Variants in ITGBL1 observed in about 807,000 individuals in gnomAD.
ITGBL1 encodes the protein integrin beta-like protein 1.
In ITGBL1, 51 loss-of-function variants were observed where a neutral mutation model predicts 68.5. That is an observed-to-expected ratio of 0.74 (90% CI 0.59 to 0.94). The LOEUF (loss-of-function observed/expected upper bound fraction) is 0.94, where lower values mean the gene tolerates loss of function less well. Among genes scored for constraint, ITGBL1 ranks in the 40% least tolerant of loss-of-function variants. The probability of loss-of-function intolerance (pLI) is 0.00; values close to 1 mark genes in which losing one functional copy is unlikely to be tolerated. For missense variants in ITGBL1, 649 were observed against 647.4 expected, an observed-to-expected ratio of 1.00 and a Z score of -0.03; for synonymous variants, 209 against 227.3, an observed-to-expected ratio of 0.92 and a Z score of 0.72.
intron 7 of ITGBL1, among the ~76,000 whole-genome samples, chr13:101,614,132 T>C (rs1299908039): frequency 1.3e-5 from 2 of 152,112 alleles, no homozygotes; most frequent in Non-Finnish European, 2.9e-5. Flanking sequence ...CTTAGGCACG[T>C]TTGAATACCG....
At chr13:101,537,074 C>T (rs1050912435) in intron 2 of ITGBL1, among the ~76,000 whole-genome samples, 1 of 151,808 alleles carries the variant, frequency 6.6e-6, no homozygotes, top group Admixed American at 6.6e-5. Context: ...TTGGATAAAA[C>T]GTATGTAAGC....
intron 2 of ITGBL1, among the ~76,000 whole-genome samples, chr13:101,513,050 G>A (rs2049140658): frequency 6.6e-6 from 1 of 151,960 alleles, no homozygotes; most frequent in Admixed American, 6.6e-5. Context: ...AGAACTATGG[G>A]TCCACCTATT....
At chr13:101,561,893 C>T (rs1290810525) in intron 2 of ITGBL1, among the ~76,000 whole-genome samples, 7 of 151,914 alleles carry the variant, frequency 4.6e-5, no homozygotes, top group Admixed American at 4.6e-4. Context: ...AAATGAAGAG[C>T]AATGAAAATG....
intron 7 of ITGBL1, among the ~76,000 whole-genome samples, chr13:101,652,587 A>C (rs985220811): frequency 1.3e-5 from 2 of 152,214 alleles, no homozygotes; most frequent in African/African-American, 4.8e-5. Flanking sequence ...TAGAACCCAT[A>C]GGTGGAGAAT....
At chr13:101,673,394 A>C (rs1302974845) in intron 7 of ITGBL1, among the ~76,000 whole-genome samples, 3 of 152,176 alleles carry the variant, frequency 2.0e-5, no homozygotes, top group Non-Finnish European at 4.4e-5. Flanking sequence ...GTTTTAATTC[A>C]ACCCAGCTAT....
intron 7 of ITGBL1, among the ~76,000 whole-genome samples, chr13:101,606,005 C>CAG (rs2030821314): frequency 1.4e-5 from 2 of 144,070 alleles, no homozygotes; most frequent in African/African-American, 5.1e-5. Context: ...TATATATACA[C>CAG]ATATATATGT....
At chr13:101,589,441 C>A (rs1327588788) in intron 6 of ITGBL1, among the ~76,000 whole-genome samples, 1 of 152,168 alleles carries the variant, frequency 6.6e-6, no homozygotes, top group African/African-American at 2.4e-5. Context: ...GAACTTCATT[C>A]TTTATGGATG....
chr13:101,631,697 G>A (rs901947945), intron 7 of ITGBL1, among the ~76,000 whole-genome samples: 17 of 152,000 alleles, frequency 1.1e-4, no homozygotes, highest in African/African-American at 4.1e-4. Context: ...CTCATTTTTT[G>A]TGTATCATGA....
chr13:101,463,517 C>CTACCCTCAA (rs754795584), intron 2 of ITGBL1, among the ~76,000 whole-genome samples: 3 of 152,188 alleles, frequency 2.0e-5, no homozygotes, highest in Non-Finnish European at 4.4e-5. Flanking sequence ...CTCCAGAACC[C>CTACCCTCAA]TACCCTCAGA....
At chr13:101,539,641 T>A (rs1464537840) in intron 2 of ITGBL1, among the ~76,000 whole-genome samples, 1 of 151,572 alleles carries the variant, frequency 6.6e-6, no homozygotes, top group East Asian at 1.9e-4. Context: ...ACTTCCACAA[T>A]GGTTGAATTA....
downstream of ITGBL1, chr13:101,720,787 G>T (rs2034922505): frequency 6.6e-6 from 1 of 152,018 alleles, no homozygotes; most frequent in Non-Finnish European, 1.5e-5. Flanking sequence ...AATCAAAAAT[G>T]ACCAAAGGAA....
At chr13:101,468,741 G>A (rs933774194) in intron 2 of ITGBL1, among the ~76,000 whole-genome samples, 5 of 152,114 alleles carry the variant, frequency 3.3e-5, no homozygotes, top group Admixed American at 1.3e-4. Flanking sequence ...AGAAAGTACT[G>A]GGCAAAAGAA....
chr13:101,542,461 G>A (rs1278338039), intron 2 of ITGBL1, among the ~76,000 whole-genome samples: 2 of 152,214 alleles, frequency 1.3e-5, no homozygotes, highest in African/African-American at 4.8e-5. Context: ...TTGCTGAGGA[G>A]TGCTTTACTT....
At chr13:101,657,256 A>C (rs1475780437) in intron 7 of ITGBL1, among the ~76,000 whole-genome samples, 5 of 152,222 alleles carry the variant, frequency 3.3e-5, no homozygotes, top group Non-Finnish European at 7.3e-5. Context: ...TTTTTAATTC[A>C]AGTTGCACAA....
intron 2 of ITGBL1, among the ~76,000 whole-genome samples, chr13:101,522,011 GAGAA>G (rs1361382261): frequency 1.3e-5 from 2 of 151,838 alleles, no homozygotes; most frequent in African/African-American, 4.8e-5. Context: ...CACAGTGGGA[GAGAA>G]AGAGAGAGGG....
intron 2 of ITGBL1, among the ~76,000 whole-genome samples, chr13:101,501,945 T>C (rs949120009): frequency 6.6e-6 from 1 of 152,142 alleles, no homozygotes; most frequent in Non-Finnish European, 1.5e-5. Flanking sequence ...GAAGGTTGAA[T>C]GTAAGCCAGT....
intron 7 of ITGBL1, among the ~76,000 whole-genome samples, chr13:101,613,593 A>T (rs1259166170): frequency 6.6e-6 from 1 of 152,140 alleles, no homozygotes; most frequent in African/African-American, 2.4e-5. Flanking sequence ...GGGCCACATG[A>T]CAACTCAGGG....
At chr13:101,673,919 A>G (rs1314894471) in intron 7 of ITGBL1, among the ~76,000 whole-genome samples, 1 of 152,204 alleles carries the variant, frequency 6.6e-6, no homozygotes, top group Non-Finnish European at 1.5e-5. Flanking sequence ...AGTTACCCAG[A>G]ACAAGTTCAT....
chr13:101,616,423 G>A (rs2031363648), intron 7 of ITGBL1, among the ~76,000 whole-genome samples: 1 of 152,096 alleles, frequency 6.6e-6, no homozygotes, highest in Non-Finnish European at 1.5e-5. Flanking sequence ...TTCCTTCTGT[G>A]GTATAAGTTG....
Sources: allele counts gnomAD v4.1 joint callset (sites outside exome capture counted in the v4.1 genomes callset), GRCh38; gene constraint gnomAD v4.1.1; transcripts MANE v1.5; gene names NCBI Gene and HGNC (gene_info 2026-07-23, HGNC 2026-07-21).